The following PRIMPOL variants were observed in gnomAD, a reference collection of about 807,000 sequenced individuals.
PRIMPOL encodes primase and DNA directed polymerase, also known as DNA-directed primase/polymerase protein.
In PRIMPOL, 54 loss-of-function variants were observed where a neutral mutation model predicts 63.6. The ratio of observed to expected loss-of-function variants is 0.85; its 90% CI spans 0.68 to 1.07. PRIMPOL has a LOEUF of 1.07. Ranked by LOEUF, PRIMPOL falls within the 50% of genes least tolerant of loss-of-function variation. PRIMPOL has a pLI of 0.00. For missense variants in PRIMPOL, 610 were observed against 648.3 expected (o/e 0.94, Z 0.64); for synonymous variants, 197 against 220.2 (o/e 0.89, Z 0.93).
chr4:184,674,046 G>A (rs535138624), intron 7 of PRIMPOL, among the ~76,000 whole-genome samples: 24 of 152,180 alleles, frequency 1.6e-4, no homozygotes, highest in Non-Finnish European at 2.4e-4. Context: ...TGCGTAACAG[G>A]AAGTTGATCC....
At chr4:184,681,672 T>C (rs1016322452) in intron 8 of PRIMPOL, among the ~76,000 whole-genome samples, 6 of 152,084 alleles carry the variant, frequency 3.9e-5, no homozygotes, top group Admixed American at 1.3e-4. Context: ...CCTCCTGGGT[T>C]CAAGCAGTTC....
chr4:184,693,765 A>T (rs1366339900), intron 13 of PRIMPOL, among the ~76,000 whole-genome samples: 2 of 151,988 alleles, frequency 1.3e-5, no homozygotes, highest in Non-Finnish European at 2.9e-5. Flanking sequence ...ATTATTTTTG[A>T]TGACTCTCTT....
At chr4:184,689,083 C>T (rs984577025) in intron 11 of PRIMPOL, among the ~76,000 whole-genome samples, 11 of 150,050 alleles carry the variant, frequency 7.3e-5, no homozygotes, top group African/African-American at 2.0e-4. Context: ...CTCGCCCTGT[C>T]GCCCAGGCTT....
intron 2 of PRIMPOL, among the ~76,000 whole-genome samples, chr4:184,655,055 G>A (rs1470429911): frequency 6.6e-6 from 1 of 151,762 alleles, no homozygotes; most frequent in Non-Finnish European, 1.5e-5. Flanking sequence ...TACTCAGGAG[G>A]CTAGAGTGCA....
chr4:184,680,747 G>A (rs916784544), intron 8 of PRIMPOL, among the ~76,000 whole-genome samples: 1 of 152,074 alleles, frequency 6.6e-6, no homozygotes, highest in African/African-American at 2.4e-5. Context: ...TTGTCGAGAG[G>A]ATTTAAAAAG....
At chr4:184,680,468 G>A (rs912803210) in intron 8 of PRIMPOL, among the ~76,000 whole-genome samples, 23 of 152,152 alleles carry the variant, frequency 1.5e-4, no homozygotes, top group African/African-American at 2.4e-4. Context: ...GATTACAGGC[G>A]TGAGCCACCG....
chr4:184,669,437 T>C (rs534003276), intron 6 of PRIMPOL, among the ~76,000 whole-genome samples: 7 of 152,126 alleles, frequency 4.6e-5, no homozygotes, highest in Non-Finnish European at 1.0e-4. Flanking sequence ...GCGTGAATAG[T>C]GAGGAGGGAC....
At chr4:184,665,136 G>T (rs1476869359) in intron 5 of PRIMPOL, among the ~76,000 whole-genome samples, 1 of 152,188 alleles carries the variant, frequency 6.6e-6, no homozygotes, top group Non-Finnish European at 1.5e-5. Context: ...AAGCTTTAGG[G>T]ACTTGTCCTA....
At chr4:184,694,312 T>G in intron 13 of PRIMPOL, 1 of 1,322,782 alleles carries the variant, frequency 7.6e-7, no homozygotes, top group South Asian at 2.3e-5. Flanking sequence ...AAATTTGGAG[T>G]TTCAAGTGTG....
intron 3 of PRIMPOL, among the ~76,000 whole-genome samples, chr4:184,657,862 G>A (rs960558820): frequency 3.3e-5 from 5 of 151,934 alleles, no homozygotes; most frequent in South Asian, 2.1e-4. Context: ...GTGTGGTGGC[G>A]TATGCCTGTA....
chr4:184,687,653 C>T (rs972773867), intron 11 of PRIMPOL, among the ~76,000 whole-genome samples: 1 of 151,980 alleles, frequency 6.6e-6, no homozygotes, highest in African/African-American at 2.4e-5. Context: ...TTGCTCTTGT[C>T]GCCCAGGCTG....
intron 7 of PRIMPOL, 33 bp from the exon 8 acceptor site, chr4:184,678,199 G>A (rs770702910): frequency 1.4e-6 from 2 of 1,396,638 alleles, no homozygotes; most frequent in Admixed American, 2.5e-5. Context: ...CAGAAAACAT[G>A]CTTTCATATT....
chr4:184,656,097 G>C lies in PRIMPOL; in HGVS notation c.-59-985G>C, dbSNP rs1288454319. Among the ~76,000 whole-genome samples, 3 of 152,204 alleles carry C rather than the reference G, an allele frequency of 2.0e-5. No individual in the cohort carries two copies. In the East Asian group the frequency reaches 5.8e-4, roughly 29 times the overall value. ...ACATATCAGACTGCTTATGCTGGCT[G>C]TTGGCTGCAATTCCTTGGTTCTTTT... On this transcript the variant is annotated intron_variant, in intron 2 of 13. Transcript: ENST00000314970.
chr4:184,675,838 C>A (rs920518040), intron 7 of PRIMPOL, among the ~76,000 whole-genome samples: 1 of 151,952 alleles, frequency 6.6e-6, no homozygotes, highest in African/African-American at 2.4e-5. Context: ...AACAAACAAA[C>A]AAAAAAACTC....
chr4:184,682,475 G>A, intron 9 of PRIMPOL, 139 bp downstream of exon 9: 1 of 534,502 alleles, frequency 1.9e-6, no homozygotes, highest in Non-Finnish European at 3.4e-6. Flanking sequence ...AGCCTCCGGA[G>A]TAGTTGGGTT....
intron 7 of PRIMPOL, among the ~76,000 whole-genome samples, chr4:184,673,335 T>G (rs1439957184): frequency 6.6e-6 from 1 of 151,862 alleles, no homozygotes; most frequent in Non-Finnish European, 1.5e-5. Context: ...TTCACCGTGT[T>G]AGCCAAGATG....
At chr4:184,658,422 G>C (rs1216729056) in intron 3 of PRIMPOL, among the ~76,000 whole-genome samples, 1 of 152,116 alleles carries the variant, frequency 6.6e-6, no homozygotes, top group Non-Finnish European at 1.5e-5. Context: ...ATTTCAAAAA[G>C]GTTTTTGTTA....
intron 8 of PRIMPOL, among the ~76,000 whole-genome samples, chr4:184,680,487 C>T (rs1349465040): frequency 1.3e-5 from 2 of 152,112 alleles, no homozygotes; most frequent in African/African-American, 4.8e-5. Flanking sequence ...CGTGCCCGGC[C>T]ACTTAAATAT....
intron 7 of PRIMPOL, 74 bp downstream of exon 7, chr4:184,672,534 T>G: frequency 1.4e-6 from 2 of 1,425,898 alleles, no homozygotes; most frequent in Middle Eastern, 1.8e-4. Flanking sequence ...TGCCCACTCG[T>G]CACCGTGCTC....
Sources: allele counts gnomAD v4.1 joint callset (sites outside exome capture counted in the v4.1 genomes callset), GRCh38; gene constraint gnomAD v4.1.1; transcripts MANE v1.5; gene names NCBI Gene and HGNC (gene_info 2026-07-23, HGNC 2026-07-21).